The following DLEC1 variants were observed in gnomAD, a reference collection of about 807,000 sequenced individuals.
The protein encoded by DLEC1 is deleted in lung and esophageal cancer protein 1.
A neutral mutation model predicts 198.1 loss-of-function variants in DLEC1; 146 were observed. That is an observed-to-expected ratio of 0.74 (90% CI 0.64 to 0.85). The LOEUF (loss-of-function observed/expected upper bound fraction) is 0.85. DLEC1 is among the 40% of genes least tolerant of loss of function. The pLI is 0.00. For missense variants in DLEC1, 2,233 were observed against 2,220.0 expected (o/e 1.01, Z -0.12); for synonymous variants, 897 against 866.8 (o/e 1.03, Z -0.61).
At chr3:38,117,400 G>A (rs1032439776) in intron 31 of DLEC1, 98 bp downstream of exon 31, 26 of 1,595,526 alleles carry the variant, frequency 1.6e-5, no homozygotes, top group African/African-American at 1.1e-4. Context: ...GCAAAAGGAC[G>A]GGCATGGGTG....
chr3:38,085,140 C>A (rs1698381817), intron 7 of DLEC1, 134 bp from the exon 8 acceptor site: 5 of 929,028 alleles, frequency 5.4e-6, no homozygotes, highest in South Asian at 1.5e-5. Context: ...CCTTTTCCTG[C>A]CATCAGCGTG....
rs372838936 is a variant in DLEC1 at position 38,060,041 on chromosome 3, G to A, written c.673+189G>A. Among the ~76,000 whole-genome samples the A allele has an allele frequency of 3.3e-5, 5 of 152,240 alleles. 1 individual carries two copies. The South Asian group carries it at 8.3e-4, about 25-fold the overall frequency. On this transcript the variant is annotated intron_variant, in intron 3 of 36. Coordinates refer to ENST00000308059, the MANE Select transcript of DLEC1 (RefSeq NM_007335.4). Reference sequence around the variant, plus strand: ...GCCAATTTCTTGCTAGTGCTCCCCCGCCTGTATGACTGAAGTCCAGGCTTC... The same window carrying A: ...GCCAATTTCTTGCTAGTGCTCCCCCACCTGTATGACTGAAGTCCAGGCTTC...
At chr3:38,095,346 C>CA (rs1698956659) in intron 13 of DLEC1, 6 of 481,446 alleles carry the variant, frequency 1.2e-5, no homozygotes, top group South Asian at 2.6e-5. Context: ...TCTACTATGG[C>CA]AAAAAACATT....
intron 2 of DLEC1, among the ~76,000 whole-genome samples, chr3:38,052,794 C>T (rs1039181923): frequency 6.6e-6 from 1 of 152,146 alleles, no homozygotes; most frequent in Non-Finnish European, 1.5e-5. Context: ...CCTCCTCCCC[C>T]TCTCCCTCTC....
At position 38,121,296 on chromosome 3, in the gene DLEC1, G is replaced by A. The variant is rs561625470; in HGVS notation, c.4867-332G>A. On this transcript the variant is annotated intron_variant, in intron 34 of 36. Coordinates refer to ENST00000308059, the MANE Select transcript of DLEC1 (RefSeq NM_007335.4). ...ACACAGACAAATGGTCCACGGCTGAGAGGAGCTGAGGGCTGGGCCTTGGGG... is the reference window on the plus strand; with the variant it reads ...ACACAGACAAATGGTCCACGGCTGAAAGGAGCTGAGGGCTGGGCCTTGGGG... 2.0e-5 allele frequency among the ~76,000 whole-genome samples: 3 copies of A among 152,352 alleles called. No individual in the cohort carries two copies. The South Asian group carries it at 6.2e-4, about 32-fold the overall frequency.
intron 9 of DLEC1, among the ~76,000 whole-genome samples, chr3:38,087,551 C>T (rs1375113597): frequency 1.5e-5 from 2 of 130,242 alleles, no homozygotes; most frequent in South Asian, 2.4e-4. Context: ...CATCAGCATG[C>T]TCACACCATC....
intron 27 of DLEC1, among the ~76,000 whole-genome samples, chr3:38,116,078 T>C (rs1457542133): frequency 6.6e-6 from 1 of 151,760 alleles, no homozygotes; most frequent in Non-Finnish European, 1.5e-5. Context: ...AAAGCTGACA[T>C]AGGCTGATGG....
intron 18 of DLEC1, 50 bp from the exon 19 acceptor site, chr3:38,100,236 C>A: frequency 6.5e-7 from 1 of 1,543,278 alleles, no homozygotes. Context: ...AGTTCCTCTG[C>A]AATTCCAAGT....
At chr3:38,109,829 A>T in intron 22 of DLEC1, 1 of 697,776 alleles carries the variant, frequency 1.4e-6, no homozygotes, top group Non-Finnish European at 2.3e-6. Flanking sequence ...GGCTGTAGGT[A>T]CCCTGGGCTT....
intron 23 of DLEC1, 27 bp from the exon 24 acceptor site, chr3:38,111,650 A>G (rs576684368): frequency 1.2e-6 from 2 of 1,608,876 alleles, no homozygotes; most frequent in South Asian, 2.2e-5. Flanking sequence ...CTGACTTGAT[A>G]CTATTTCTGT....
Position 38,116,459 on chromosome 3 carries a change from G to A in DLEC1, c.3863G>A (p.Arg1288His), listed in dbSNP as rs749998962. The A allele has an allele frequency of 1.4e-5, 22 of 1,613,902 alleles. No individual in the cohort carries two copies. Among genetic ancestry groups the A allele is most frequent in the Admixed American group, 5.0e-5 (3 of 59,986 alleles). ...CTCCACACATCTGCCCCAGACATCC[G>A]CCTGGATTGGGAGACCTATGTTCCA... ...RLNNSSPCDI[R>H]LDWETYVPED... Residue 1288 changes from arginine to histidine, a missense_variant, in exon 28 of 37, where the codon CGC (arginine) becomes CAC (histidine). By Grantham distance (29) the Arg-to-His change is conservative. Coordinates refer to ENST00000308059, the MANE Select transcript of DLEC1 (RefSeq NM_007335.4).
In DLEC1 at chr3:38,079,312, A is replaced by G. The variant is rs200853154; in HGVS notation, c.1174-4846A>G. Among the ~76,000 whole-genome samples the G allele has an allele frequency of 3.8e-3, 571 of 151,928 alleles. 1 individual carries two copies. The highest frequency in any genetic ancestry group is 0.011 in the African/African-American group (470 of 41,340). ...TGCTTAAAAGAGTATTGTCTAAGTT[A>G]GCACCAGAGTTGGGGAGTTTTAAGA... On this transcript the variant is annotated intron_variant, in intron 6 of 36. Transcript: ENST00000308059.
intron 10 of DLEC1, 111 bp from the exon 11 acceptor site, chr3:38,092,679 A>C: frequency 1.0e-6 from 1 of 976,908 alleles, no homozygotes. Context: ...GGAGGGGAAC[A>C]GAGAGTGAAG....
rs576721247 is a variant in DLEC1, at chr3:38,117,045, T to C, written c.4250T>C (p.Leu1417Pro). The C allele has an allele frequency of 2.6e-5, 42 of 1,614,092 alleles. 1 individual carries two copies. The South Asian group carries it at 4.5e-4, about 17-fold the overall frequency. Residue 1417 changes from leucine to proline, a missense_variant, in exon 30 of 37, where the codon CTG becomes CCG. Transcript: ENST00000308059. The part of the protein sequence containing the change: ...FTPMVLSPEI[L>P]HKVECTGYAL... The stretch of plus-strand genomic sequence containing the variant: ...CCTATGGTGCTCAGCCCTGAGATCC[T>C]GCACAAGGTGGAGTGTACTGGCTAC...
intron 6 of DLEC1, among the ~76,000 whole-genome samples, 163 bp downstream of exon 6, chr3:38,064,082 G>A (rs1286139969): frequency 5.3e-5 from 8 of 149,986 alleles, no homozygotes; most frequent in African/African-American, 2.0e-4. Context: ...CAGGGTCTAG[G>A]ACAATAGTGA....
intron 6 of DLEC1, among the ~76,000 whole-genome samples, chr3:38,081,648 G>C (rs1333721957): frequency 1.1e-5 from 1 of 94,574 alleles, no homozygotes; most frequent in African/African-American, 4.8e-5. Context: ...CGGACGGGGC[G>C]GCTGGCCGGG....
chr3:38,084,557 A>AGTGGTGGTGGTG (rs1559430847), intron 7 of DLEC1, among the ~76,000 whole-genome samples: 1 of 9,258 alleles, frequency 1.1e-4, no homozygotes, highest in Non-Finnish European at 2.0e-4. Context: ...TAGTGGTAGT[A>AGTGGTGGTGGTG]GTAGTGGTAG....
chr3:38,118,724 CTCTT>C (rs894865883), intron 33 of DLEC1, among the ~76,000 whole-genome samples: 1 of 152,072 alleles, frequency 6.6e-6, no homozygotes, highest in Non-Finnish European at 1.5e-5. Context: ...TTCAGAGGCC[CTCTT>C]TCTTCTTCTC....
intron 1 of DLEC1, among the ~76,000 whole-genome samples, chr3:38,041,004 T>TTA (rs1700626602): frequency 7.5e-6 from 1 of 133,372 alleles, no homozygotes; most frequent in Admixed American, 7.5e-5. Context: ...TATGCCCAGC[T>TTA]TATTTATTTA....
Sources: allele counts gnomAD v4.1 joint callset (sites outside exome capture counted in the v4.1 genomes callset), GRCh38; gene constraint gnomAD v4.1.1; transcripts MANE v1.5; gene names NCBI Gene and HGNC (gene_info 2026-07-23, HGNC 2026-07-21).